The following RIMS2 variants were observed in gnomAD, a reference collection of about 807,000 sequenced individuals.
RIMS2 encodes the protein regulating synaptic membrane exocytosis 2, also known as regulating synaptic membrane exocytosis protein 2.
Under a neutral mutation model 174.4 loss-of-function variants are expected in RIMS2, and 59 were observed. That is an observed-to-expected ratio of 0.34 (90% CI 0.27 to 0.42). RIMS2 has a LOEUF of 0.42. RIMS2 is among the 10% of genes least tolerant of loss of function. The probability of loss-of-function intolerance (pLI) is 1.00; values close to 1 mark genes in which losing one functional copy is unlikely to be tolerated. For missense variants in RIMS2, 1,620 were observed against 1,666.3 expected (o/e 0.97, Z 0.48); for synonymous variants, 606 against 572.5 (o/e 1.06, Z -0.84).
intron 19 of RIMS2, among the ~76,000 whole-genome samples, chr8:104,126,648 A>T (rs1311789594): frequency 2.0e-5 from 3 of 152,226 alleles, no homozygotes; most frequent in Non-Finnish European, 4.4e-5. Context: ...TGAGATTTTT[A>T]AAATATGTGA....
At chr8:104,204,558 C>T (rs2099070909) in intron 19 of RIMS2, among the ~76,000 whole-genome samples, 1 of 151,742 alleles carries the variant, frequency 6.6e-6, no homozygotes, top group South Asian at 2.1e-4. Flanking sequence ...ACAGAGAGTG[C>T]TCATAAAAAT....
At chr8:104,128,394 T>C (rs945519358) in intron 19 of RIMS2, among the ~76,000 whole-genome samples, 2 of 152,200 alleles carry the variant, frequency 1.3e-5, no homozygotes, top group African/African-American at 4.8e-5. Flanking sequence ...GGAATTAAGA[T>C]ACATAAAAAT....
chr8:103,548,186 A>G (rs1845989480), intron 1 of RIMS2, among the ~76,000 whole-genome samples: 1 of 152,198 alleles, frequency 6.6e-6, no homozygotes, highest in African/African-American at 2.4e-5. Flanking sequence ...TCCTGATACC[A>G]AAACCTGGCA....
intron 1 of RIMS2, among the ~76,000 whole-genome samples, chr8:103,669,723 A>G (rs776596708): frequency 3.9e-5 from 6 of 152,248 alleles, no homozygotes; most frequent in Non-Finnish European, 8.8e-5. Context: ...GCTCACATCC[A>G]GGTCACACTG....
At chr8:104,063,455 A>G (rs2097043307) in intron 19 of RIMS2, among the ~76,000 whole-genome samples, 1 of 152,188 alleles carries the variant, frequency 6.6e-6, no homozygotes, top group Non-Finnish European at 1.5e-5. Context: ...TCTTTAGCTC[A>G]ATTAAAGGAA....
chr8:103,611,259 T>C (rs1156237854), intron 1 of RIMS2, among the ~76,000 whole-genome samples: 1 of 152,196 alleles, frequency 6.6e-6, no homozygotes. Context: ...TCTCTTTATG[T>C]CTTATTATAC....
chr8:104,036,808 C>T (rs989541752), intron 19 of RIMS2, among the ~76,000 whole-genome samples: 3 of 151,910 alleles, frequency 2.0e-5, no homozygotes, highest in Non-Finnish European at 4.4e-5. Flanking sequence ...ACCCGGGAGG[C>T]GGAGCTTGCA....
intron 1 of RIMS2, among the ~76,000 whole-genome samples, chr8:103,515,716 CTGAT>C (rs1828661263): frequency 6.6e-6 from 1 of 152,030 alleles, no homozygotes; most frequent in Non-Finnish European, 1.5e-5. Context: ...AGAATGAACT[CTGAT>C]TATAGAACTT....
chr8:103,731,251 T>TC (rs1431866197), intron 2 of RIMS2, among the ~76,000 whole-genome samples: 1 of 152,208 alleles, frequency 6.6e-6, no homozygotes, highest in African/African-American at 2.4e-5. Flanking sequence ...AGGTTTTTTT[T>TC]CTTTCCCACT....
chr8:103,672,432 T>C (rs1023551563), intron 1 of RIMS2, among the ~76,000 whole-genome samples: 3 of 151,930 alleles, frequency 2.0e-5, no homozygotes, highest in South Asian at 2.1e-4. Context: ...CTGCAGGCTT[T>C]AAAGTAAACA....
chr8:103,617,265 A>G (rs973154462), intron 1 of RIMS2, among the ~76,000 whole-genome samples: 2 of 152,176 alleles, frequency 1.3e-5, no homozygotes, highest in Admixed American at 6.5e-5. Context: ...TGGGGAAAAG[A>G]ATCCCTATTC....
intron 19 of RIMS2, among the ~76,000 whole-genome samples, chr8:104,181,805 T>G (rs2098941545): frequency 6.6e-6 from 1 of 151,692 alleles, no homozygotes; most frequent in Non-Finnish European, 1.5e-5. Context: ...GTATATAATT[T>G]TTTATGTACT....
chr8:103,504,578 A>G (rs1822350389), intron 1 of RIMS2, among the ~76,000 whole-genome samples: 1 of 152,096 alleles, frequency 6.6e-6, no homozygotes, highest in Non-Finnish European at 1.5e-5. Flanking sequence ...TGTAACACAA[A>G]TTAGAAATTA....
At chr8:103,803,322 C>G (rs966923768) in intron 3 of RIMS2, among the ~76,000 whole-genome samples, 2 of 152,032 alleles carry the variant, frequency 1.3e-5, no homozygotes, top group Non-Finnish European at 2.9e-5. Flanking sequence ...TGTTATGTGT[C>G]AAATGTAAGA....
intron 19 of RIMS2, among the ~76,000 whole-genome samples, chr8:104,228,494 A>C (rs1282161599): frequency 6.6e-6 from 1 of 152,232 alleles, no homozygotes; most frequent in East Asian, 1.9e-4. Flanking sequence ...AATAAGAAAA[A>C]TTCTTCATAC....
chr8:103,752,803 AAG>A (rs1564509678), intron 2 of RIMS2, among the ~76,000 whole-genome samples: 1 of 152,256 alleles, frequency 6.6e-6, no homozygotes, highest in East Asian at 1.9e-4. Context: ...GACTTTGCTG[AAG>A]TTACTTATCA....
chr8:103,943,228 A>G (rs2082952154), intron 14 of RIMS2, among the ~76,000 whole-genome samples: 1 of 152,216 alleles, frequency 6.6e-6, no homozygotes, highest in African/African-American at 2.4e-5. Context: ...AATCCTAAAT[A>G]TAGGAATAAG....
At chr8:104,183,487 T>C (rs1464007258) in intron 19 of RIMS2, among the ~76,000 whole-genome samples, 1 of 151,614 alleles carries the variant, frequency 6.6e-6, no homozygotes, top group Non-Finnish European at 1.5e-5. Flanking sequence ...GATAATAAGA[T>C]TGACATTCAA....
intron 19 of RIMS2, among the ~76,000 whole-genome samples, chr8:104,128,466 G>A (rs1346961388): frequency 6.6e-6 from 1 of 152,228 alleles, no homozygotes; most frequent in African/African-American, 2.4e-5. Context: ...GGAGGCCGAG[G>A]TGGGTGGATC....
Sources: allele counts gnomAD v4.1 joint callset (sites outside exome capture counted in the v4.1 genomes callset), GRCh38; gene constraint gnomAD v4.1.1; transcripts MANE v1.5; gene names NCBI Gene and HGNC (gene_info 2026-07-23, HGNC 2026-07-21).